ZFHX4: variants seen among roughly 807,000 people sequenced by gnomAD.
The protein encoded by ZFHX4 is zinc finger homeobox 4.
ZFHX4 carries 56 observed loss-of-function variants against 267.6 expected under a neutral mutation model. The observed-to-expected ratio is 0.21, with a 90% confidence interval of 0.17 to 0.26. ZFHX4 has a LOEUF of 0.26. ZFHX4 is among the 10% of genes least tolerant of loss of function. The probability of loss-of-function intolerance (pLI) is 1.00; values close to 1 mark genes in which losing one functional copy is unlikely to be tolerated. For synonymous variants in ZFHX4, 1,778 were observed against 1,665.6 expected (o/e 1.07, Z -1.64); for missense variants, 4,332 against 4,420.0 (o/e 0.98, Z 0.56).
chr8:76,731,398 G>T (rs1809007111), intron 3 of ZFHX4, among the ~76,000 whole-genome samples: 1 of 152,168 alleles, frequency 6.6e-6, no homozygotes, highest in African/African-American at 2.4e-5. Context: ...AGAAGGGAGA[G>T]AAGCCCATTG....
Position 76,828,853 on chromosome 8 carries a change from G to A in ZFHX4, c.3326-4485G>A, listed in dbSNP as rs570146512. 4.6e-5 allele frequency among the ~76,000 whole-genome samples: 7 copies of A among 152,194 alleles called. No individual in the cohort carries two copies. The South Asian group carries it at 8.3e-4, about 18-fold the overall frequency. On this transcript the variant is annotated intron_variant, in intron 4 of 10. Coordinates refer to ENST00000651372, the MANE Select transcript of ZFHX4 (RefSeq NM_024721.5). ...AGGAATACAGAAAATGTTTTTCTTC[G>A]CCTTTACTATTTTACACCAGTTGGC... is the stretch of plus-strand genomic sequence containing the variant.
chr8:76,820,676 G>C (rs1811625422), intron 4 of ZFHX4, among the ~76,000 whole-genome samples: 1 of 152,172 alleles, frequency 6.6e-6, no homozygotes, highest in Non-Finnish European at 1.5e-5. Context: ...AAAAATTACA[G>C]TGTGATGGTA....
intron 3 of ZFHX4, among the ~76,000 whole-genome samples, chr8:76,750,972 A>G (rs190837209): frequency 1.4e-3 from 208 of 152,308 alleles, no homozygotes; most frequent in Non-Finnish European, 2.1e-3. Flanking sequence ...GCTGATAAGG[A>G]CAAAATTAAT....
chr8:76,784,467 A>G (rs1194089446), intron 4 of ZFHX4, among the ~76,000 whole-genome samples: 1 of 152,010 alleles, frequency 6.6e-6, no homozygotes, highest in Non-Finnish European at 1.5e-5. Flanking sequence ...GAGATTTAAT[A>G]TACATCCTAA....
At chr8:76,699,131 A>G (rs2131595726) in intron 1 of ZFHX4, among the ~76,000 whole-genome samples, 1 of 152,288 alleles carries the variant, frequency 6.6e-6, no homozygotes, top group East Asian at 1.9e-4. Flanking sequence ...TTCTGTTTTA[A>G]ATTGTAAAGC....
chr8:76,842,524 G>A lies in ZFHX4; in HGVS notation c.3395-131G>A, dbSNP rs1467998476. On this transcript the variant is annotated intron_variant, in intron 5 of 10. Coordinates refer to ENST00000651372, the MANE Select transcript of ZFHX4 (RefSeq NM_024721.5). The stretch of plus-strand genomic sequence containing the variant: ...AGCATAGACTTTTGCATAAATTTGT[G>A]TTCTCATTTGAGTATGAATATCTGC... The A allele has an allele frequency of 3.6e-5, 22 of 615,440 alleles. No homozygotes were observed. The East Asian group carries it at 6.4e-4, about 18-fold the overall frequency. 38.1% of individuals were successfully genotyped at this position (615,440 alleles called of 1,614,324 possible).
chr8:76,782,100 ATTTTTTTTTTT>A, intron 4 of ZFHX4: 14 of 235,244 alleles, frequency 6.0e-5, no homozygotes, highest in East Asian at 4.5e-4. Flanking sequence ...TCAGTTAAGA[ATTTTTTTTTTT>A]TTTTTTTTTT....
chr8:76,835,209 GTA>G (rs1554572124), intron 5 of ZFHX4, among the ~76,000 whole-genome samples: 5 of 46,510 alleles, frequency 1.1e-4, no homozygotes, highest in Admixed American at 9.5e-4. Flanking sequence ...TTGCTTTGGT[GTA>G]TATATATGTA....
At chr8:76,792,975 C>T (rs2254772) in intron 4 of ZFHX4, among the ~76,000 whole-genome samples, 10,323 of 152,148 alleles carry the variant, frequency 0.068, 409 homozygotes, top group South Asian at 0.077. Flanking sequence ...ACCACATTGC[C>T]GTGGGGCCTT....
chr8:76,812,121 TA>T (rs1453251828), intron 4 of ZFHX4, among the ~76,000 whole-genome samples: 1 of 152,180 alleles, frequency 6.6e-6, no homozygotes, highest in Non-Finnish European at 1.5e-5. Context: ...TTGCATTAAG[TA>T]AAAAACATCT....
At chr8:76,722,400 G>T (rs1159611644) in intron 3 of ZFHX4, among the ~76,000 whole-genome samples, 2 of 151,872 alleles carry the variant, frequency 1.3e-5, no homozygotes, top group African/African-American at 4.8e-5. Flanking sequence ...GCTTTAATGA[G>T]GTGGGTATCA....
At chr8:76,706,778 GACAGC>G (rs559869277) in intron 2 of ZFHX4, 100 bp downstream of exon 2, 1,027 of 1,292,338 alleles carry the variant, frequency 7.9e-4, no homozygotes, top group Non-Finnish European at 1.0e-3. Flanking sequence ...ACAAATTGAG[GACAGC>G]TTACTAGAAA....
At position 76,705,390 on chromosome 8, in the gene ZFHX4, G is replaced by T. The variant is rs952282958; in HGVS notation, c.1302G>T (p.Lys434Asn). 3 of 1,613,900 alleles carry T rather than the reference G, an allele frequency of 1.9e-6. No individual in the cohort carries two copies. The highest frequency in any genetic ancestry group is 2.5e-6 in the Non-Finnish European group (3 of 1,179,894). Reference sequence around the variant, plus strand: ...GCCACTCATCGTCTGAGTCTAGCAAGATGTCAGAGAGCAAAGACCAAGAGA... The same window carrying T: ...GCCACTCATCGTCTGAGTCTAGCAATATGTCAGAGAGCAAAGACCAAGAGA... ...SLSHSSSESS[K>N]MSESKDQENN... Residue 434 changes from lysine to asparagine, a missense_variant, in exon 2 of 11, where the codon AAG becomes AAT. Transcript: ENST00000651372.
chr8:76,694,691 C>T (rs1179762651), intron 1 of ZFHX4, among the ~76,000 whole-genome samples: 1 of 114,026 alleles, frequency 8.8e-6, no homozygotes, highest in Non-Finnish European at 1.8e-5. Flanking sequence ...CCCCTGCTCC[C>T]GCCCCCGCCT....
intron 1 of ZFHX4, among the ~76,000 whole-genome samples, chr8:76,702,649 A>G (rs1277186305): frequency 6.6e-6 from 1 of 152,200 alleles, no homozygotes; most frequent in Non-Finnish European, 1.5e-5. Context: ...TATGATATGC[A>G]ATGTAATATA....
Position 76,705,414 on chromosome 8 carries a change from G to T in ZFHX4, c.1326G>T (p.Glu442Asp), listed in dbSNP as rs1384738256. 1.2e-6 allele frequency: 2 copies of T among 1,613,698 alleles called. No homozygotes were observed. The highest frequency in any genetic ancestry group is 1.7e-6 in the Non-Finnish European group (2 of 1,179,888). Reference protein sequence around the residue: ...SSKMSESKDQENNCERPKESN... With the variant: ...SSKMSESKDQDNNCERPKESN... ...AGATGTCAGAGAGCAAAGACCAAGA[G>T]AACAACTGTGAAAGGCCAAAAGAAA... The change falls in exon 2 of 11, where the codon GAG (glutamate) becomes GAT (aspartate). Residue 442 changes from glutamate (E) to aspartate (D), a missense_variant. Glu to Asp is a conservative substitution (Grantham distance 45, BLOSUM62 2). Coordinates refer to ENST00000651372, the MANE Select transcript of ZFHX4 (RefSeq NM_024721.5).
rs1432460525 is a variant in ZFHX4 at position 76,704,276 on chromosome 8, G to A, written c.188G>A (p.Gly63Asp). 1 of 1,614,002 alleles carries A rather than the reference G, an allele frequency of 6.2e-7. No homozygotes were observed. Among genetic ancestry groups the A allele is most frequent in the East Asian group, 2.2e-5 (1 of 44,880 alleles). ...TDERKSEALLGFSVENAAATQ... is the reference protein window; with the variant it reads ...TDERKSEALLDFSVENAAATQ... ...GAGCGCAAAAGTGAAGCCTTGCTGG[G>A]TTTCAGCGTTGAGAATGCAGCTGCC... is the stretch of plus-strand genomic sequence containing the variant. The change falls in exon 2 of 11, where the codon GGT (glycine) becomes GAT (aspartate). Residue 63 changes from glycine (G) to aspartate (D), a missense_variant. Physicochemically the swap from Gly to Asp is moderately conservative, Grantham distance 94. Transcript: ENST00000651372.
intron 6 of ZFHX4, among the ~76,000 whole-genome samples, chr8:76,846,840 G>A (rs1280982635): frequency 6.6e-6 from 1 of 151,992 alleles, no homozygotes; most frequent in East Asian, 1.9e-4. Flanking sequence ...TTCTATTACT[G>A]ATGATCCAAA....
intron 4 of ZFHX4, among the ~76,000 whole-genome samples, chr8:76,802,748 A>G (rs1811146218): frequency 6.6e-6 from 1 of 152,190 alleles, no homozygotes; most frequent in Non-Finnish European, 1.5e-5. Flanking sequence ...TTTGGATTCA[A>G]GATTATCAGC....
Sources: allele counts gnomAD v4.1 joint callset (sites outside exome capture counted in the v4.1 genomes callset), GRCh38; gene constraint gnomAD v4.1.1; transcripts MANE v1.5; gene names NCBI Gene and HGNC (gene_info 2026-07-23, HGNC 2026-07-21).